Variants in LGSN observed in about 807,000 individuals in gnomAD.
LGSN encodes the protein lengsin, lens protein with glutamine synthetase domain, also known as lengsin.
Under a neutral mutation model 19.5 loss-of-function variants are expected in LGSN, and 21 were observed. That is an observed-to-expected ratio of 1.07 (90% CI 0.76 to 1.55). The LOEUF (loss-of-function observed/expected upper bound fraction) is 1.55. Among genes scored for constraint, LGSN ranks in the 40% most tolerant of loss-of-function variants. The probability of loss-of-function intolerance (pLI) is 0.00; values close to 1 mark genes in which losing one functional copy is unlikely to be tolerated. For missense variants in LGSN, 673 were observed against 608.5 expected (o/e 1.11, Z -1.12); for synonymous variants, 257 against 215.6 (o/e 1.19, Z -1.68).
the LGSN span, among the ~76,000 whole-genome samples, chr6:63,490,319 A>G: frequency 2.0e-5 from 3 of 152,152 alleles, no homozygotes; most frequent in African/African-American, 7.2e-5. Flanking sequence ...TCTAAATAAG[A>G]ATGTATGATA....
chr6:63,296,976 G>T (rs1056359970), intron 1 of LGSN, among the ~76,000 whole-genome samples: 1 of 150,856 alleles, frequency 6.6e-6, no homozygotes, highest in African/African-American at 2.4e-5. Context: ...ATATAAACCC[G>T]ATCAAAAGAG....
chr6:63,561,458 G>T, the LGSN span, among the ~76,000 whole-genome samples: 1 of 152,164 alleles, frequency 6.6e-6, no homozygotes, highest in African/African-American at 2.4e-5. Context: ...GACAGTGCCT[G>T]ATAAACACTG....
the LGSN span, among the ~76,000 whole-genome samples, chr6:63,545,568 G>A: frequency 6.6e-6 from 1 of 151,992 alleles, no homozygotes; most frequent in African/African-American, 2.4e-5. Flanking sequence ...CCGAGATCAT[G>A]CCATTGCACT....
chr6:63,432,131 AAG>A, the LGSN span, among the ~76,000 whole-genome samples: 28 of 124,574 alleles, frequency 2.2e-4, no homozygotes, highest in African/African-American at 9.1e-4. Context: ...GAAAGAAAGA[AAG>A]AAAGAAAGAA....
the LGSN span, among the ~76,000 whole-genome samples, chr6:63,389,948 A>G: frequency 1.3e-5 from 2 of 151,912 alleles, no homozygotes; most frequent in African/African-American, 2.4e-5. Flanking sequence ...ACAAAAAAAA[A>G]TGGTGAGAGA....
At chr6:63,294,635 C>T (rs1329824764) in intron 2 of LGSN, among the ~76,000 whole-genome samples, 1 of 152,050 alleles carries the variant, frequency 6.6e-6, no homozygotes, top group Non-Finnish European at 1.5e-5. Context: ...AACTGTCTCT[C>T]TTCCTACTCA....
chr6:63,427,998 T>G, the LGSN span, among the ~76,000 whole-genome samples: 1 of 152,176 alleles, frequency 6.6e-6, no homozygotes, highest in Admixed American at 6.6e-5. Context: ...CATAATTATT[T>G]TAATTCAATA....
the LGSN span, among the ~76,000 whole-genome samples, chr6:63,495,559 C>A: frequency 1.4e-5 from 2 of 143,250 alleles, no homozygotes; most frequent in Non-Finnish European, 1.5e-5. Context: ...AAGCAATTCT[C>A]CTGCCTCAGC....
the LGSN span, among the ~76,000 whole-genome samples, chr6:63,371,475 CT>C: frequency 2.6e-5 from 4 of 152,258 alleles, no homozygotes; most frequent in South Asian, 6.2e-4. Context: ...ATATTAAATA[CT>C]TTTTTTAGAA....
the LGSN span, among the ~76,000 whole-genome samples, chr6:63,332,783 A>AATGGTCTCACTGCTTGGCG: frequency 6.6e-6 from 1 of 152,112 alleles, no homozygotes; most frequent in African/African-American, 2.4e-5. Flanking sequence ...AGCAATAGGC[A>AATGGTCTCACTGCTTGGCG]ATGGTCTCAC....
rs200451174 is a variant in LGSN, at chr6:63,280,412, A to T, written c.1139T>A (p.Val380Glu). The T allele has an allele frequency of 4.3e-6, 7 of 1,614,188 alleles. No individual in the cohort carries two copies. Among genetic ancestry groups the T allele is most frequent in the Non-Finnish European group, 5.1e-6 (6 of 1,180,034 alleles). ...SKDRKDLKKS[V>E]PTTWGYNDNS... ...GTCATTGTATCCCCATGTTGTAGGC[A>T]CACTCTTCTTCAGGTCTTTCCTGTC... The change falls in exon 4 of 4, where the codon GTG (valine) becomes GAG (glutamate). Residue 380 changes from valine (V) to glutamate (E), a missense_variant. By Grantham distance (121) the Val-to-Glu change is moderately radical. Coordinates refer to ENST00000370657, the MANE Select transcript of LGSN (RefSeq NM_016571.3).
chr6:63,335,456 C>T, the LGSN span, among the ~76,000 whole-genome samples: 2 of 152,006 alleles, frequency 1.3e-5, no homozygotes, highest in Non-Finnish European at 1.5e-5. Context: ...AACAGCTCAA[C>T]AATAAAAAAT....
chr6:63,516,999 G>A, the LGSN span, among the ~76,000 whole-genome samples: 4 of 152,100 alleles, frequency 2.6e-5, no homozygotes, highest in South Asian at 2.1e-4. Context: ...ACCATTGACC[G>A]AAGCCATTGT....
the LGSN span, among the ~76,000 whole-genome samples, chr6:63,466,724 T>A: frequency 5.9e-5 from 9 of 152,062 alleles, no homozygotes; most frequent in African/African-American, 2.2e-4. Flanking sequence ...ACTGGAAGGA[T>A]AGAGTTAGTA....
the LGSN span, among the ~76,000 whole-genome samples, chr6:63,538,860 A>G: frequency 4.0e-5 from 6 of 151,778 alleles, no homozygotes; most frequent in African/African-American, 1.5e-4. Context: ...AGGTGTGGGA[A>G]CCGCATTTTG....
chr6:63,495,469 T>TTTTTTTTTTTTTTTG, the LGSN span, among the ~76,000 whole-genome samples: 80 of 119,288 alleles, frequency 6.7e-4, no homozygotes, highest in African/African-American at 2.6e-3. Flanking sequence ...TTTTTTTTTT[T>TTTTTTTTTTTTTTTG]TTTTTTTGAG....
At chr6:63,435,500 C>T in the LGSN span, among the ~76,000 whole-genome samples, 1 of 152,180 alleles carries the variant, frequency 6.6e-6, no homozygotes, top group African/African-American at 2.4e-5. Flanking sequence ...CATCTCTCAG[C>T]TTCCACCTTT....
upstream of LGSN, among the ~76,000 whole-genome samples, chr6:63,323,226 G>A (rs1461819596): frequency 6.6e-6 from 1 of 151,738 alleles, no homozygotes; most frequent in African/African-American, 2.4e-5. Context: ...TTTTTAGAAG[G>A]AGAGTGCCAC....
chr6:63,523,172 C>G, the LGSN span, among the ~76,000 whole-genome samples: 1 of 152,020 alleles, frequency 6.6e-6, no homozygotes, highest in Non-Finnish European at 1.5e-5. Context: ...AGCCGAATCA[C>G]TCTTTTATTT....
Sources: allele counts gnomAD v4.1 joint callset (sites outside exome capture counted in the v4.1 genomes callset), GRCh38; gene constraint gnomAD v4.1.1; transcripts MANE v1.5; gene names NCBI Gene and HGNC (gene_info 2026-07-23, HGNC 2026-07-21).